Variants in HIPK2 observed in about 807,000 individuals in gnomAD.
HIPK2 encodes homeodomain-interacting protein kinase 2.
HIPK2 carries 27 observed loss-of-function variants against 113.7 expected under a neutral mutation model. The observed-to-expected ratio is 0.24, with a 90% CI of 0.17 to 0.33. The LOEUF (loss-of-function observed/expected upper bound fraction) is 0.33, where lower values mean the gene tolerates loss of function less well. Ranked by LOEUF, HIPK2 falls within the 10% of genes least tolerant of loss-of-function variation. HIPK2 has a pLI of 1.00. For synonymous variants in HIPK2, 631 were observed against 642.2 expected, an observed-to-expected ratio of 0.98 and a Z score of 0.26; for missense variants, 1,257 against 1,588.0, an observed-to-expected ratio of 0.79 and a Z score of 3.54.
At chr7:139,577,083 T>G (rs1798515986) in intron 13 of HIPK2, among the ~76,000 whole-genome samples, 1 of 151,988 alleles carries the variant, frequency 6.6e-6, no homozygotes. Context: ...ATGCAAGCAC[T>G]TTTGTAATGG....
At chr7:139,603,637 A>C (rs1799516070) in intron 10 of HIPK2, among the ~76,000 whole-genome samples, 1 of 151,828 alleles carries the variant, frequency 6.6e-6, no homozygotes, top group Non-Finnish European at 1.5e-5. Flanking sequence ...GGTCAGATAG[A>C]CTCCAGAGTA....
chr7:139,576,195 G>A (rs1420387388), intron 13 of HIPK2, among the ~76,000 whole-genome samples: 1 of 152,238 alleles, frequency 6.6e-6, no homozygotes, highest in Non-Finnish European at 1.5e-5. Context: ...AATCATCCGG[G>A]GAATGGCCCT....
At chr7:139,690,750 C>T (rs188495963) in intron 2 of HIPK2, among the ~76,000 whole-genome samples, 36 of 152,292 alleles carry the variant, frequency 2.4e-4, no homozygotes, top group African/African-American at 7.9e-4. Flanking sequence ...CCATGTAATC[C>T]GCACACGCCA....
chr7:139,675,744 G>A (rs1802474764), intron 2 of HIPK2, among the ~76,000 whole-genome samples: 1 of 152,194 alleles, frequency 6.6e-6, no homozygotes, highest in South Asian at 2.1e-4. Context: ...TTCTGGAGCT[G>A]TGAGGTGGAC....
chr7:139,751,121 G>A (rs1181456846), intron 1 of HIPK2, among the ~76,000 whole-genome samples: 3 of 151,994 alleles, frequency 2.0e-5, no homozygotes, highest in Non-Finnish European at 2.9e-5. Context: ...GTAAAACAAG[G>A]TGAATTACAA....
intron 2 of HIPK2, among the ~76,000 whole-genome samples, chr7:139,713,056 C>T (rs952160062): frequency 3.9e-5 from 6 of 152,100 alleles, no homozygotes; most frequent in African/African-American, 1.4e-4. Context: ...GAATTTTAGG[C>T]AATGGTGATT....
intron 2 of HIPK2, among the ~76,000 whole-genome samples, chr7:139,668,644 T>G (rs180868194): frequency 5.5e-4 from 83 of 152,248 alleles, no homozygotes; most frequent in African/African-American, 2.0e-3. Context: ...ACCTGAGGCA[T>G]GGATAAATAT....
intron 2 of HIPK2, among the ~76,000 whole-genome samples, chr7:139,691,922 G>A (rs554988179): frequency 2.0e-5 from 3 of 152,202 alleles, no homozygotes; most frequent in Non-Finnish European, 2.9e-5. Context: ...AGTTTTTGGG[G>A]AATAGAAATA....
intron 1 of HIPK2, 196 bp from the exon 2 acceptor site, chr7:139,717,211 T>A: frequency 3.6e-6 from 1 of 281,028 alleles, no homozygotes; most frequent in Non-Finnish European, 5.4e-6. Flanking sequence ...ACCAAGTGGT[T>A]CCAGGGTGCC....
chr7:139,701,528 G>A lies in HIPK2; in HGVS notation c.1103+14404C>T, dbSNP rs1204808319. Among the ~76,000 whole-genome samples the A allele has an allele frequency of 5.9e-5, 9 of 152,218 alleles. No homozygotes were observed. The East Asian group carries it at 1.7e-3, about 29-fold the overall frequency. The stretch of plus-strand genomic sequence containing the variant: ...AGACTTAGCCCAACTCACATAGCTG[G>A]CGGGACGCTGAGACCTACGTCTCTC... On this transcript the variant is annotated intron_variant, in intron 2 of 14. Coordinates refer to ENST00000406875, the MANE Select transcript of HIPK2 (RefSeq NM_022740.5).
At chr7:139,705,080 T>C (rs1794849968) in intron 2 of HIPK2, among the ~76,000 whole-genome samples, 1 of 152,176 alleles carries the variant, frequency 6.6e-6, no homozygotes, top group African/African-American at 2.4e-5. Flanking sequence ...CTAGTGAGTC[T>C]GATATACGAT....
chr7:139,607,823 T>C (rs899558210), intron 9 of HIPK2, among the ~76,000 whole-genome samples: 3 of 151,942 alleles, frequency 2.0e-5, no homozygotes, highest in African/African-American at 4.8e-5. Flanking sequence ...TAAATCTTCA[T>C]CTTCCATAAT....
At chr7:139,621,869 G>A (rs931146168) in intron 6 of HIPK2, among the ~76,000 whole-genome samples, 2 of 142,510 alleles carry the variant, frequency 1.4e-5, no homozygotes, top group East Asian at 4.2e-4. Context: ...GCTACAGTGA[G>A]TCATGATTAG....
At chr7:139,685,428 G>A (rs1357393599) in intron 2 of HIPK2, among the ~76,000 whole-genome samples, 1 of 152,202 alleles carries the variant, frequency 6.6e-6, no homozygotes. Flanking sequence ...TTCCCAAAGT[G>A]CTGGGATTAC....
chr7:139,671,443 T>G (rs1802293932), intron 2 of HIPK2, among the ~76,000 whole-genome samples: 1 of 152,210 alleles, frequency 6.6e-6, no homozygotes, highest in South Asian at 2.1e-4. Flanking sequence ...TACATGAGTC[T>G]CCATAAACAC....
intron 2 of HIPK2, among the ~76,000 whole-genome samples, chr7:139,676,988 A>G (rs989519691): frequency 1.3e-5 from 2 of 151,262 alleles, no homozygotes; most frequent in African/African-American, 4.9e-5. Context: ...CAGCCTCCCG[A>G]GTAGCTGGGA....
intron 1 of HIPK2, among the ~76,000 whole-genome samples, chr7:139,718,721 T>C (rs1370520566): frequency 6.6e-6 from 1 of 152,244 alleles, no homozygotes; most frequent in South Asian, 2.1e-4. Flanking sequence ...TTAATATGGC[T>C]GTCCAAATGA....
At chr7:139,689,505 A>G (rs1794335255) in intron 2 of HIPK2, among the ~76,000 whole-genome samples, 1 of 152,232 alleles carries the variant, frequency 6.6e-6, no homozygotes, top group African/African-American at 2.4e-5. Context: ...ATTTATATGT[A>G]TTAGCTAAAT....
At position 139,613,092 on chromosome 7, in the gene HIPK2, A is replaced by C; in HGVS notation, c.2112+110T>G. On this transcript the variant is annotated intron_variant, in intron 9 of 14. Transcript: ENST00000406875. This position sits in a 1 kb window ranked among gnomAD's most constrained non-coding sequence, Gnocchi z 4.2. ...ATTACAGATACATTCCAATGACTAG[A>C]AGCACCTAACTCATTACTAGGGAGA... 7.8e-7 allele frequency: 1 copy of C among 1,284,012 alleles called. No individual in the cohort carries two copies. Among genetic ancestry groups the C allele is most frequent in the Non-Finnish European group, 1.1e-6 (1 of 928,468 alleles). The allele number at this position is 1,284,012 out of a possible 1,614,324, so 79.5% of individuals were successfully genotyped here. A position where few individuals can be genotyped will look rare whatever the true frequency, so the allele number is the denominator to read the frequency against.
Sources: gnomAD v4.1 joint callset for allele counts (sites outside exome capture counted in the v4.1 genomes callset) on GRCh38, gnomAD v4.1.1 for gene constraint, Gnocchi (gnomAD v3.1) non-coding constraint, MANE v1.5 for transcripts, NCBI Gene and HGNC (gene_info 2026-07-23, HGNC 2026-07-21) for gene names.